AVL9: variants seen among roughly 807,000 people sequenced by gnomAD.
AVL9 encodes late secretory pathway protein AVL9 homolog.
In AVL9, 49 loss-of-function variants were observed where a neutral mutation model predicts 79.2. The observed-to-expected ratio is 0.62, with a 90% confidence interval of 0.49 to 0.79. The LOEUF (loss-of-function observed/expected upper bound fraction) is 0.79. Among genes scored for constraint, AVL9 ranks in the 30% least tolerant of loss-of-function variants. The pLI is 0.00. For missense variants in AVL9, 682 were observed against 776.8 expected (o/e 0.88, Z 1.45); for synonymous variants, 299 against 280.6 (o/e 1.07, Z -0.65).
intron 1 of AVL9, among the ~76,000 whole-genome samples, chr7:32,501,498 T>G (rs1486612749): frequency 6.6e-6 from 1 of 152,176 alleles, no homozygotes; most frequent in East Asian, 1.9e-4. Flanking sequence ...TGGTAGATGG[T>G]TTTTCCTGAT....
chr7:32,505,701 C>A (rs570681189), intron 1 of AVL9, among the ~76,000 whole-genome samples: 1 of 151,996 alleles, frequency 6.6e-6, no homozygotes, highest in African/African-American at 2.4e-5. Context: ...TCTCCACTTG[C>A]GTTCTTTAAT....
At chr7:32,496,096 C>T (rs1447348356) in intron 1 of AVL9, among the ~76,000 whole-genome samples, 5 of 152,202 alleles carry the variant, frequency 3.3e-5, no homozygotes, top group Non-Finnish European at 2.9e-5. Flanking sequence ...GGGAGGAAAG[C>T]ATCGAAGACC....
Position 32,585,658 on chromosome 7 carries a change from C to T in AVL9, c.*1751C>T, listed in dbSNP as rs1791743447. The T allele has an allele frequency of 6.6e-6, 1 of 152,114 alleles. No individual in the cohort carries two copies. Among genetic ancestry groups the T allele is most frequent in the Non-Finnish European group, 1.5e-5 (1 of 68,006 alleles). The allele number at this position is 152,114 out of a possible 1,614,324, so 9.4% of individuals were successfully genotyped here. ...AAGGCATTTGAAATGAACATAGAAA[C>T]ATAATCTAAATGTCTCTAAATTTTC... On this transcript the variant is annotated 3_prime_UTR_variant, in exon 16 of 16. Coordinates refer to ENST00000318709, the MANE Select transcript of AVL9 (RefSeq NM_015060.3).
At chr7:32,572,801 CAAAA>C in intron 11 of AVL9, among the ~76,000 whole-genome samples, 2 of 93,438 alleles carry the variant, frequency 2.1e-5, no homozygotes, top group South Asian at 4.4e-4. Context: ...GACTCCGTCT[CAAAA>C]AAAAAAAAAA....
chr7:32,564,618 T>G (rs538567046), intron 10 of AVL9, among the ~76,000 whole-genome samples: 24 of 152,314 alleles, frequency 1.6e-4, no homozygotes, highest in Non-Finnish European at 3.2e-4. Context: ...TAATCCTCTC[T>G]CTGGTACTTG....
intron 1 of AVL9, among the ~76,000 whole-genome samples, chr7:32,521,007 T>G (rs988735719): frequency 1.4e-4 from 21 of 152,182 alleles, no homozygotes; most frequent in Admixed American, 1.4e-3. Context: ...TGCTCCTTCC[T>G]TATTTTCTCT....
intron 2 of AVL9, among the ~76,000 whole-genome samples, chr7:32,543,665 T>G (rs780146689): frequency 1.7e-4 from 26 of 152,196 alleles, no homozygotes; most frequent in Non-Finnish European, 2.8e-4. Context: ...CAGCTGAGAT[T>G]GTTTTTGTGC....
At chr7:32,552,182 A>T (rs777052840) in intron 5 of AVL9, 47 bp from the exon 6 acceptor site, 1 of 1,166,744 alleles carries the variant, frequency 8.6e-7, no homozygotes. Context: ...TCTAATTCAG[A>T]TCTAAAATGA....
chr7:32,553,785 A>C lies in AVL9; in HGVS notation c.570+18A>C. ...GACACAAGGTATGGTACCTTATTTA[A>C]ATAAATTTATGATGTACAGTACTAA... is the stretch of plus-strand genomic sequence containing the variant. On this transcript the variant is annotated intron_variant, in intron 7 of 15. Transcript: ENST00000318709. The C allele has an allele frequency of 6.3e-7, 1 of 1,593,772 alleles. No individual in the cohort carries two copies. Among genetic ancestry groups the C allele is most frequent in the Non-Finnish European group, 8.6e-7 (1 of 1,162,854 alleles).
chr7:32,518,820 G>T (rs1019768794), intron 1 of AVL9, among the ~76,000 whole-genome samples: 4 of 152,198 alleles, frequency 2.6e-5, no homozygotes, highest in Admixed American at 2.0e-4. Flanking sequence ...AATTATAATA[G>T]TTTTTCTAAA....
rs143469776 is a variant in AVL9, at chr7:32,576,983, A to T, written c.1688+911A>T. 4.5e-4 allele frequency among the ~76,000 whole-genome samples: 68 copies of T among 152,340 alleles called. No individual in the cohort carries two copies. In the East Asian group the frequency reaches 0.013, roughly 29 times the overall value. ...ACAATAACATCTGAGTGTGAATACA[A>T]CAGAGAGCATTGAAGGAGATCAGTT... is the stretch of plus-strand genomic sequence containing the variant. On this transcript the variant is annotated intron_variant, in intron 13 of 15. Coordinates refer to ENST00000318709, the MANE Select transcript of AVL9 (RefSeq NM_015060.3).
chr7:32,497,942 C>T (rs144213129), intron 1 of AVL9, among the ~76,000 whole-genome samples: 11 of 152,180 alleles, frequency 7.2e-5, no homozygotes, highest in Non-Finnish European at 1.6e-4. Flanking sequence ...TGAGCCACCA[C>T]GCCCAGTCAT....
intron 1 of AVL9, among the ~76,000 whole-genome samples, chr7:32,512,746 G>A (rs1177614879): frequency 1.3e-5 from 2 of 152,214 alleles, no homozygotes; most frequent in African/African-American, 2.4e-5. Flanking sequence ...AGAAATCTTC[G>A]AGCTTGCAGG....
chr7:32,578,844 AG>A (rs1182767025), intron 13 of AVL9, among the ~76,000 whole-genome samples: 2 of 152,104 alleles, frequency 1.3e-5, no homozygotes, highest in Non-Finnish European at 2.9e-5. Context: ...TTGTTATCAG[AG>A]GGTGTCATTT....
intron 3 of AVL9, among the ~76,000 whole-genome samples, chr7:32,547,268 G>A (rs1218013965): frequency 1.3e-5 from 2 of 152,184 alleles, no homozygotes; most frequent in Non-Finnish European, 2.9e-5. Context: ...TTTAAAACCT[G>A]CATGATTGCC....
chr7:32,565,067 A>G (rs182949439), intron 10 of AVL9, among the ~76,000 whole-genome samples: 71 of 152,302 alleles, frequency 4.7e-4, no homozygotes, highest in Admixed American at 4.1e-3. Context: ...CTTGTTACTG[A>G]AAGTGTTCTG....
intron 1 of AVL9, chr7:32,532,376 C>T (rs1229581851): frequency 6.6e-6 from 1 of 152,202 alleles, no homozygotes; most frequent in Non-Finnish European, 1.5e-5. Flanking sequence ...CAAGTTCTCA[C>T]TTTGGGCCAC....
At chr7:32,497,853 A>G (rs1034603203) in intron 1 of AVL9, among the ~76,000 whole-genome samples, 1 of 151,942 alleles carries the variant, frequency 6.6e-6, no homozygotes, top group African/African-American at 2.4e-5. Flanking sequence ...GGGTTTCACA[A>G]TGTTAGCCAG....
rs1787629159 is a variant in AVL9, at chr7:32,510,680, TC to T, written c.93+14879del. On this transcript the variant is annotated intron_variant, in intron 1 of 15. Transcript: ENST00000318709. The stretch of plus-strand genomic sequence containing the variant: ...AGGGTAAGATTTGTGAGCCGTCAGG[TC>T]TGGTTGTGGGAGTCTACAGTCCTGG... 3.0e-5 allele frequency among the ~76,000 whole-genome samples: 4 copies of T among 134,192 alleles called. No homozygotes were observed. The South Asian group carries it at 9.8e-4, about 33-fold the overall frequency. The allele number at this position is 134,192 out of a possible 152,430, so 88.0% of individuals were successfully genotyped here. A position where few individuals can be genotyped will look rare whatever the true frequency, so the allele number is the denominator to read the frequency against.
Sources: allele counts gnomAD v4.1 joint callset (sites outside exome capture counted in the v4.1 genomes callset), GRCh38; gene constraint gnomAD v4.1.1; transcripts MANE v1.5; gene names NCBI Gene and HGNC (gene_info 2026-07-23, HGNC 2026-07-21).